The following TRPM3 variants were observed in gnomAD, a reference collection of about 807,000 sequenced individuals.
TRPM3 encodes the protein transient receptor potential cation channel subfamily M member 3, also known as long transient receptor potential channel 3.
TRPM3 carries 77 observed loss-of-function variants against 181.2 expected under a neutral mutation model. That is an observed-to-expected ratio of 0.42 (90% CI 0.35 to 0.51). TRPM3 has a LOEUF of 0.51. Among genes scored for constraint, TRPM3 ranks in the 20% least tolerant of loss-of-function variants. The pLI, the probability that TRPM3 is intolerant of heterozygous loss-of-function variation, is 0.01. For synonymous variants in TRPM3, 745 were observed against 796.4 expected, an observed-to-expected ratio of 0.94 and a Z score of 1.09; for missense variants, 1,759 against 2,196.7, an observed-to-expected ratio of 0.80 and a Z score of 3.98.
chr9:70,811,937 G>A (rs718447), intron 6 of TRPM3, among the ~76,000 whole-genome samples: 46,599 of 151,946 alleles, frequency 0.31, 8,533 homozygotes, highest in African/African-American at 0.51. Flanking sequence ...CTATGACTAT[G>A]TCTACATATC....
At chr9:70,568,448 T>G (rs1330842377) in intron 22 of TRPM3, among the ~76,000 whole-genome samples, 3 of 152,210 alleles carry the variant, frequency 2.0e-5, no homozygotes, top group African/African-American at 7.2e-5. Context: ...TAAGACAAAA[T>G]GGCATAAACC....
intron 1 of TRPM3, among the ~76,000 whole-genome samples, chr9:71,212,523 C>A (rs755395990): frequency 6.6e-6 from 1 of 152,130 alleles, no homozygotes; most frequent in African/African-American, 2.4e-5. Context: ...ACTCTTAGAG[C>A]CTTTCATACG....
At chr9:71,360,203 C>G (rs538298342) in intron 1 of TRPM3, among the ~76,000 whole-genome samples, 25 of 152,242 alleles carry the variant, frequency 1.6e-4, no homozygotes, top group Non-Finnish European at 3.2e-4. Flanking sequence ...ACAGAAGGCA[C>G]TAAGAGATAG....
intron 1 of TRPM3, among the ~76,000 whole-genome samples, chr9:71,066,723 T>C (rs2061977693): frequency 6.6e-6 from 1 of 152,184 alleles, no homozygotes; most frequent in African/African-American, 2.4e-5. Flanking sequence ...AATTATTCTC[T>C]TTTTTATGAG....
At chr9:70,911,794 T>C (rs550716441) in intron 1 of TRPM3, among the ~76,000 whole-genome samples, 1 of 152,342 alleles carries the variant, frequency 6.6e-6, no homozygotes, top group East Asian at 1.9e-4. Context: ...ACTGCTTTAG[T>C]TCATGTCTTG....
intron 5 of TRPM3, among the ~76,000 whole-genome samples, chr9:70,841,624 C>CTATATATATATA (rs72421594): frequency 2.3e-3 from 166 of 72,874 alleles, no homozygotes; most frequent in Middle Eastern, 7.9e-3. Context: ...CTATATCCCA[C>CTATATATATATA]TATATATATA....
chr9:71,366,273 C>G (rs923889847), intron 1 of TRPM3, among the ~76,000 whole-genome samples: 1 of 152,162 alleles, frequency 6.6e-6, no homozygotes, highest in Non-Finnish European at 1.5e-5. Flanking sequence ...CTTTATCCTA[C>G]TACTGTTTCC....
intron 1 of TRPM3, among the ~76,000 whole-genome samples, chr9:71,382,391 A>G (rs1463664396): frequency 6.6e-6 from 1 of 152,130 alleles, no homozygotes; most frequent in Non-Finnish European, 1.5e-5. Flanking sequence ...GGTAAAAAAA[A>G]TGGAGGCTCT....
intron 1 of TRPM3, among the ~76,000 whole-genome samples, chr9:71,164,872 A>T (rs2134737461): frequency 6.6e-6 from 1 of 152,330 alleles, no homozygotes; most frequent in Non-Finnish European, 1.5e-5. Flanking sequence ...TGCTCAATTC[A>T]TTCATAAGTA....
intron 1 of TRPM3, among the ~76,000 whole-genome samples, chr9:71,404,219 A>T (rs528994759): frequency 1.8e-4 from 27 of 152,358 alleles, no homozygotes; most frequent in African/African-American, 6.0e-4. Context: ...TAGCAGCTCA[A>T]TAATACTAGT....
intron 1 of TRPM3, among the ~76,000 whole-genome samples, chr9:70,921,877 T>C (rs987288859): frequency 6.6e-6 from 1 of 150,822 alleles, no homozygotes; most frequent in Non-Finnish European, 1.5e-5. Context: ...TAGAAGAAGA[T>C]AATTTCCCAA....
chr9:70,814,258 G>A (rs1002652580), intron 6 of TRPM3, among the ~76,000 whole-genome samples: 3 of 152,252 alleles, frequency 2.0e-5, no homozygotes, highest in Admixed American at 1.3e-4. Flanking sequence ...AATATTGACC[G>A]TGAAACCAGC....
chr9:71,324,480 G>T (rs2089498688), intron 1 of TRPM3, among the ~76,000 whole-genome samples: 1 of 151,356 alleles, frequency 6.6e-6, no homozygotes, highest in Admixed American at 6.6e-5. Flanking sequence ...ATTTTGATAA[G>T]GATGCAGAGA....
At chr9:70,813,846 C>G (rs1316679918) in intron 6 of TRPM3, among the ~76,000 whole-genome samples, 1 of 152,058 alleles carries the variant, frequency 6.6e-6, no homozygotes, top group Non-Finnish European at 1.5e-5. Context: ...TAAAGGTATC[C>G]CCTTAAGGGT....
chr9:70,635,197 G>A lies in TRPM3; in HGVS notation c.1632+14C>T, dbSNP rs1186244663. 9 of 1,612,780 alleles carry A rather than the reference G, an allele frequency of 5.6e-6. No homozygotes were observed. The highest frequency in any genetic ancestry group is 5.3e-5 in the African/African-American group (4 of 74,870). On this transcript the variant is annotated intron_variant, in intron 12 of 25. Transcript: ENST00000677713. The stretch of plus-strand genomic sequence containing the variant: ...AAGACAGGGCCTCCGACCTGCAGTC[G>A]AGAGGGTTCTTACCTTTTTGACATC...
At chr9:70,681,381 T>C in intron 9 of TRPM3, 125 bp downstream of exon 9, 1 of 777,340 alleles carries the variant, frequency 1.3e-6, no homozygotes, top group Non-Finnish European at 2.1e-6. Context: ...GAGAGACCCC[T>C]ATGTTATCAA....
At chr9:71,374,513 A>G (rs1341888421) in intron 1 of TRPM3, among the ~76,000 whole-genome samples, 1 of 152,256 alleles carries the variant, frequency 6.6e-6, no homozygotes, top group Non-Finnish European at 1.5e-5. Flanking sequence ...AAAAGCTGGA[A>G]GCATTTCCCT....
At chr9:70,761,252 TC>T in intron 8 of TRPM3, 1 of 596,206 alleles carries the variant, frequency 1.7e-6, no homozygotes, top group Non-Finnish European at 3.0e-6. Context: ...GTTCATGACT[TC>T]CAAGCAAAAT....
intron 1 of TRPM3, among the ~76,000 whole-genome samples, chr9:71,357,231 A>G (rs1363379270): frequency 1.3e-5 from 2 of 152,214 alleles, no homozygotes; most frequent in Non-Finnish European, 2.9e-5. Flanking sequence ...TTGCTGCAGT[A>G]TCAGTACTTG....
Sources: allele counts gnomAD v4.1 joint callset (sites outside exome capture counted in the v4.1 genomes callset), GRCh38; gene constraint gnomAD v4.1.1; transcripts MANE v1.5; gene names NCBI Gene and HGNC (gene_info 2026-07-23, HGNC 2026-07-21).